Variants in ALG14 observed in about 807,000 individuals in gnomAD.
The protein encoded by ALG14 is UDP-N-acetylglucosamine transferase subunit ALG14.
A neutral mutation model predicts 22.8 loss-of-function variants in ALG14; 17 were observed. The ratio of observed to expected loss-of-function variants is 0.75; its 90% confidence interval spans 0.51 to 1.12. The LOEUF (loss-of-function observed/expected upper bound fraction) is 1.12, where lower values mean the gene tolerates loss of function less well. Among genes scored for constraint, ALG14 ranks in the 50% most tolerant of loss-of-function variants. The pLI is 0.00. For synonymous variants in ALG14, 89 were observed against 103.7 expected, an observed-to-expected ratio of 0.86 and a Z score of 0.86; for missense variants, 288 against 271.8, an observed-to-expected ratio of 1.06 and a Z score of -0.42.
At chr1:95,007,837 G>T (rs774821918) in intron 3 of ALG14, among the ~76,000 whole-genome samples, 2 of 152,180 alleles carry the variant, frequency 1.3e-5, no homozygotes, top group Non-Finnish European at 2.9e-5. Context: ...GGAAGTCTAA[G>T]CACTTTATGT....
Position 95,036,805 on chromosome 1 carries a change from T to C in ALG14, c.289-9545A>G, listed in dbSNP as rs373226457. ...ATGAGAACAGACTAATACAGTCCCA[T>C]GATGGGTCCTGCTGATAACCACTTA... On this transcript the variant is annotated intron_variant, in intron 2 of 3. Coordinates refer to ENST00000370205, the MANE Select transcript of ALG14 (RefSeq NM_144988.4). 1.8e-4 allele frequency among the ~76,000 whole-genome samples: 27 copies of C among 152,302 alleles called. No individual in the cohort carries two copies. In the South Asian group the frequency reaches 4.4e-3, roughly 25 times the overall value.
intron 2 of ALG14, among the ~76,000 whole-genome samples, chr1:95,056,005 T>C (rs1282866404): frequency 1.3e-4 from 17 of 133,742 alleles, no homozygotes; most frequent in Admixed American, 1.2e-3. Flanking sequence ...TGAGACTCTG[T>C]CTCAAAAAAA....
intron 2 of ALG14, among the ~76,000 whole-genome samples, chr1:95,045,820 GA>G (rs1466920208): frequency 1.4e-5 from 2 of 147,456 alleles, no homozygotes; most frequent in Admixed American, 1.4e-4. Context: ...CATACTAATA[GA>G]ATTAATATAC....
chr1:95,005,182 C>T (rs1401031850), intron 3 of ALG14, among the ~76,000 whole-genome samples: 2 of 152,128 alleles, frequency 1.3e-5, no homozygotes, highest in African/African-American at 4.8e-5. Context: ...GAGGATAAGT[C>T]TTTCAGGCGA....
chr1:95,045,614 A>G lies in ALG14; in HGVS notation c.289-18354T>C. 2.6e-5 allele frequency among the ~76,000 whole-genome samples: 4 copies of G among 151,966 alleles called. 1 individual carries two copies. The highest frequency in any genetic ancestry group is 9.6e-5 in the African/African-American group (4 of 41,480). On this transcript the variant is annotated intron_variant, in intron 2 of 3. Coordinates refer to ENST00000370205, the MANE Select transcript of ALG14 (RefSeq NM_144988.4). Reference sequence around the variant, plus strand: ...TATACTAATTGTATAGTATTAGCATACTGTATTAGTATATTAATAGAATTA... The same window carrying G: ...TATACTAATTGTATAGTATTAGCATGCTGTATTAGTATATTAATAGAATTA...
chr1:95,026,988 A>G, intron 3 of ALG14, 141 bp downstream of exon 3: 1 of 1,056,934 alleles, frequency 9.5e-7, no homozygotes, highest in Non-Finnish European at 1.3e-6. Flanking sequence ...GTCCAAGATC[A>G]AGGCACCAGC....
At chr1:95,035,099 C>T (rs1228781572) in intron 2 of ALG14, among the ~76,000 whole-genome samples, 1 of 152,208 alleles carries the variant, frequency 6.6e-6, no homozygotes, top group Non-Finnish European at 1.5e-5. Flanking sequence ...CCTCAAGGCC[C>T]TTATGGCAAG....
rs1022706956 is a variant in ALG14, at chr1:94,980,553, C to A, written c.*2523G>T. ...GGACAAGCTAGCTACTCATCTTCTT[C>A]AGTTTGAGTTGGGACTGGCGCACTA... On this transcript the variant is annotated 3_prime_UTR_variant, in exon 4 of 4. Coordinates refer to ENST00000370205, the MANE Select transcript of ALG14 (RefSeq NM_144988.4). 1 of 152,196 alleles carries A rather than the reference C, an allele frequency of 6.6e-6. No individual in the cohort carries two copies. The allele number at this position is 152,196 out of a possible 1,614,324, so 9.4% of individuals were successfully genotyped here. A position where few individuals can be genotyped will look rare whatever the true frequency, so the allele number is the denominator to read the frequency against.
At position 95,053,272 on chromosome 1, in the gene ALG14, A is replaced by AT. The variant is rs199761918; in HGVS notation, c.288+11593dup. ...TCTATGTTAATGTTAGATAAAATAG[A>AT]TTTTTTTTTAAAAAAAGCATTATTA... On this transcript the variant is annotated intron_variant, in intron 2 of 3. Transcript: ENST00000370205. Among the ~76,000 whole-genome samples, 409 of 151,994 alleles carry AT rather than the reference A, an allele frequency of 2.7e-3. 1 individual carries two copies. The highest frequency in any genetic ancestry group is 9.3e-3 in the African/African-American group (386 of 41,474).
chr1:95,048,794 CT>C (rs927490572), intron 2 of ALG14, among the ~76,000 whole-genome samples: 72 of 146,618 alleles, frequency 4.9e-4, no homozygotes, highest in East Asian at 1.4e-3. Flanking sequence ...GTCAAATATC[CT>C]TTTTTTTTTT....
intron 2 of ALG14, among the ~76,000 whole-genome samples, chr1:95,031,914 C>T (rs557317531): frequency 1.3e-5 from 2 of 152,062 alleles, no homozygotes; most frequent in Non-Finnish European, 2.9e-5. Context: ...GTTCAAGAGA[C>T]TCTCCTGCCT....
chr1:94,999,900 G>C (rs910448464), intron 3 of ALG14, among the ~76,000 whole-genome samples: 1 of 152,040 alleles, frequency 6.6e-6, no homozygotes, highest in African/African-American at 2.4e-5. Context: ...TCCCTGCCTG[G>C]CGCAGGCCAT....
Position 95,064,976 on chromosome 1 carries a change from A to C in ALG14, c.178T>G (p.Ser60Ala). The change falls in exon 2 of 4, where the codon TCC becomes GCC. Residue 60 changes from serine (S) to alanine (A), a missense_variant. Physicochemically the swap from Ser to Ala is moderately conservative, Grantham distance 99. Coordinates refer to ENST00000370205, the MANE Select transcript of ALG14 (RefSeq NM_144988.4). ...TAATGTCTAGGTGAGTAGGCATTGG[A>C]CAAGCTCCCAAGCAGCCTCAGGATC... ...TEILRLLGSLSNAYSPRHYVI... is the reference protein window; with the variant it reads ...TEILRLLGSLANAYSPRHYVI... The C allele has an allele frequency of 1.9e-6, 3 of 1,613,826 alleles. No individual in the cohort carries two copies. The South Asian group carries it at 3.3e-5, about 18-fold the overall frequency.
At chr1:95,011,266 G>C (rs1304974136) in intron 3 of ALG14, among the ~76,000 whole-genome samples, 2 of 152,034 alleles carry the variant, frequency 1.3e-5, no homozygotes, top group Non-Finnish European at 2.9e-5. Context: ...CCTTATAAAA[G>C]AGACCCTAGA....
chr1:95,047,927 G>A (rs570027455), intron 2 of ALG14, among the ~76,000 whole-genome samples: 3 of 152,238 alleles, frequency 2.0e-5, no homozygotes, highest in Admixed American at 6.5e-5. Context: ...AGTGAGCTAT[G>A]ATCATACCAC....
At chr1:95,000,535 TAAAAAA>T (rs71588535) in intron 3 of ALG14, among the ~76,000 whole-genome samples, 4 of 70,618 alleles carry the variant, frequency 5.7e-5, no homozygotes, top group African/African-American at 1.6e-4. Context: ...GACCCTGTCC[TAAAAAA>T]AAAAAAAAAA....
At chr1:95,020,633 G>A (rs1267761831) in intron 3 of ALG14, among the ~76,000 whole-genome samples, 2 of 151,500 alleles carry the variant, frequency 1.3e-5, no homozygotes, top group East Asian at 1.9e-4. Context: ...AGCTACTTGG[G>A]AGGCTGAGGC....
intron 3 of ALG14, among the ~76,000 whole-genome samples, chr1:95,019,278 A>T (rs1440179585): frequency 6.6e-6 from 1 of 152,232 alleles, no homozygotes; most frequent in Non-Finnish European, 1.5e-5. Context: ...TTCTTAAAAG[A>T]ATTATCAGTC....
In ALG14 at chr1:94,974,606, G is replaced by A. The variant is rs780397755; in HGVS notation, c.*8470C>T. Reference sequence around the variant, plus strand: ...AAAAAAAATCATTTTCCTATCCATGGTGTAGAAATACATCTTCTGCCTTTT... The same window carrying A: ...AAAAAAAATCATTTTCCTATCCATGATGTAGAAATACATCTTCTGCCTTTT... On this transcript the variant is annotated 3_prime_UTR_variant, in exon 4 of 4. Coordinates refer to ENST00000370205, the MANE Select transcript of ALG14 (RefSeq NM_144988.4). The A allele has an allele frequency of 5.9e-5, 9 of 152,194 alleles. No homozygotes were observed. The highest frequency in any genetic ancestry group is 1.0e-4 in the Non-Finnish European group (7 of 68,034). 9.4% of individuals were successfully genotyped at this position (152,194 alleles called of 1,614,324 possible).
Sources: allele counts gnomAD v4.1 joint callset (sites outside exome capture counted in the v4.1 genomes callset), GRCh38; gene constraint gnomAD v4.1.1; transcripts MANE v1.5; gene names NCBI Gene and HGNC (gene_info 2026-07-23, HGNC 2026-07-21).